Variants in DIP2B observed in about 807,000 individuals in gnomAD.
DIP2B encodes the protein disco-interacting protein 2 homolog B.
A neutral mutation model predicts 198.0 loss-of-function variants in DIP2B; 76 were observed. The observed-to-expected ratio is 0.38, with a 90% CI of 0.32 to 0.46. DIP2B has a LOEUF of 0.46. Among genes scored for constraint, DIP2B ranks in the 20% least tolerant of loss-of-function variants. The probability of loss-of-function intolerance (pLI) is 0.99; values close to 1 mark genes in which losing one functional copy is unlikely to be tolerated. For synonymous variants in DIP2B, 701 were observed against 739.1 expected (o/e 0.95, Z 0.84); for missense variants, 1,559 against 1,978.4 (o/e 0.79, Z 4.02).
chr12:50,735,760 G>C (rs1375860050), intron 34 of DIP2B, among the ~76,000 whole-genome samples: 1 of 152,122 alleles, frequency 6.6e-6, no homozygotes, highest in Non-Finnish European at 1.5e-5. Flanking sequence ...CACTATGCCC[G>C]GCCCGGTTCT....
At chr12:50,631,657 T>C (rs2139477048) in intron 2 of DIP2B, among the ~76,000 whole-genome samples, 1 of 152,338 alleles carries the variant, frequency 6.6e-6, no homozygotes, top group South Asian at 2.1e-4. Flanking sequence ...GGTCTCGAAC[T>C]CTTGGCCTCA....
intron 4 of DIP2B, 94 bp downstream of exon 4, chr12:50,660,413 T>A: frequency 7.5e-7 from 1 of 1,337,614 alleles, no homozygotes; most frequent in Non-Finnish European, 9.8e-7. Context: ...AGAACCAGAA[T>A]CTTCTCCCCG....
intron 22 of DIP2B, among the ~76,000 whole-genome samples, chr12:50,714,039 C>CTTG (rs1320652622): frequency 3.3e-5 from 5 of 152,232 alleles, no homozygotes; most frequent in Non-Finnish European, 7.3e-5. Context: ...GAATTTGGGG[C>CTTG]TGTCATGGCT....
At chr12:50,545,640 C>T (rs150315785) in intron 1 of DIP2B, among the ~76,000 whole-genome samples, 27 of 151,526 alleles carry the variant, frequency 1.8e-4, no homozygotes, top group Middle Eastern at 6.8e-3. Context: ...GGCATGGTTA[C>T]TCACACCTGT....
intron 1 of DIP2B, among the ~76,000 whole-genome samples, chr12:50,517,103 T>C (rs781094435): frequency 6.6e-6 from 1 of 151,990 alleles, no homozygotes; most frequent in African/African-American, 2.4e-5. Context: ...ATTTTTTTAG[T>C]AGAGATGGGG....
At chr12:50,521,385 A>G (rs761400260) in intron 1 of DIP2B, among the ~76,000 whole-genome samples, 1 of 151,658 alleles carries the variant, frequency 6.6e-6, no homozygotes, top group Non-Finnish European at 1.5e-5. Context: ...GATTATAGGC[A>G]TGAGCCACTG....
At chr12:50,730,263 C>G (rs1368997370) in intron 30 of DIP2B, among the ~76,000 whole-genome samples, 1 of 152,104 alleles carries the variant, frequency 6.6e-6, no homozygotes, top group East Asian at 1.9e-4. Context: ...TTGGCCTTAG[C>G]CCTTCTGGCC....
At chr12:50,562,020 C>T (rs1326493696) in intron 1 of DIP2B, among the ~76,000 whole-genome samples, 2 of 152,158 alleles carry the variant, frequency 1.3e-5, no homozygotes, top group African/African-American at 4.8e-5. Flanking sequence ...TATTGACAGG[C>T]TTATAAGTGG....
intron 1 of DIP2B, among the ~76,000 whole-genome samples, chr12:50,570,327 A>T (rs1311857744): frequency 6.6e-6 from 1 of 152,226 alleles, no homozygotes; most frequent in African/African-American, 2.4e-5. Flanking sequence ...TTCTAGCGAT[A>T]TTAATTGGAT....
At chr12:50,732,990 C>T (rs1435501157) in intron 32 of DIP2B, among the ~76,000 whole-genome samples, 3 of 152,068 alleles carry the variant, frequency 2.0e-5, no homozygotes, top group Non-Finnish European at 4.4e-5. Context: ...ACTGCAACCT[C>T]CACCTCCTGG....
At chr12:50,688,931 G>C (rs1243834154) in intron 12 of DIP2B, among the ~76,000 whole-genome samples, 1 of 152,158 alleles carries the variant, frequency 6.6e-6, no homozygotes, top group Non-Finnish European at 1.5e-5. Context: ...CTAGGTGCCT[G>C]TTATTTTGAA....
At chr12:50,674,662 T>C in intron 6 of DIP2B, 33 bp downstream of exon 6, 3 of 1,610,272 alleles carry the variant, frequency 1.9e-6, no homozygotes, top group Non-Finnish European at 2.5e-6. Flanking sequence ...TCAATTGTAG[T>C]GTAAACTAAA....
At chr12:50,519,319 T>G (rs1186815804) in intron 1 of DIP2B, among the ~76,000 whole-genome samples, 2 of 152,154 alleles carry the variant, frequency 1.3e-5, no homozygotes, top group African/African-American at 4.8e-5. Context: ...CAGGTTCGCC[T>G]TAAACTCCTG....
intron 1 of DIP2B, among the ~76,000 whole-genome samples, chr12:50,547,641 C>T (rs1380664715): frequency 2.0e-5 from 3 of 151,974 alleles, no homozygotes; most frequent in Non-Finnish European, 4.4e-5. Context: ...TTGCTGTGAA[C>T]CTAAAACTGC....
rs1939246826 is a variant in DIP2B, at chr12:50,692,974, C to G, written c.1680C>G (p.Asp560Glu). Reference protein sequence around the residue: ...SEGETIVNVLDFKKDAGLWHG... With the variant: ...SEGETIVNVLEFKKDAGLWHG... ...GGGAAACAATAGTAAATGTCTTAGA[C>G]TTTAAGAAGGATGCTGGGCTGTGGC... The change falls in exon 14 of 38, where the codon GAC becomes GAG. Residue 560 changes from aspartate (D) to glutamate (E), a missense_variant. Physicochemically the swap from Asp to Glu is conservative, Grantham distance 45 (BLOSUM62 2). Coordinates refer to ENST00000301180, the MANE Select transcript of DIP2B (RefSeq NM_173602.3). 1 of 1,610,540 alleles carries G rather than the reference C, an allele frequency of 6.2e-7. No homozygotes were observed. The highest frequency in any genetic ancestry group is 8.5e-7 in the Non-Finnish European group (1 of 1,179,204).
intron 8 of DIP2B, chr12:50,679,311 A>C (rs1250830338): frequency 5.8e-6 from 1 of 172,506 alleles, no homozygotes; most frequent in Admixed American, 5.5e-5. Flanking sequence ...AATTTTGCAT[A>C]CTAGCTAAAA....
At chr12:50,514,585 C>A (rs915004802) in intron 1 of DIP2B, among the ~76,000 whole-genome samples, 3 of 152,156 alleles carry the variant, frequency 2.0e-5, no homozygotes, top group African/African-American at 7.2e-5. Flanking sequence ...ATTGATTGAT[C>A]TGTTCATTTA....
chr12:50,613,206 A>G (rs1018528566), intron 1 of DIP2B, among the ~76,000 whole-genome samples: 4 of 152,182 alleles, frequency 2.6e-5, no homozygotes, highest in Non-Finnish European at 4.4e-5. Context: ...AGGCCAGTTA[A>G]TTTCCCTGTG....
At chr12:50,612,650 A>G (rs1270591250) in intron 1 of DIP2B, among the ~76,000 whole-genome samples, 2 of 152,034 alleles carry the variant, frequency 1.3e-5, no homozygotes, top group East Asian at 3.9e-4. Context: ...GGTTGTCTTG[A>G]ACTCTTGGCC....
Sources: allele counts gnomAD v4.1 joint callset (sites outside exome capture counted in the v4.1 genomes callset), GRCh38; gene constraint gnomAD v4.1.1; transcripts MANE v1.5; gene names NCBI Gene and HGNC (gene_info 2026-07-23, HGNC 2026-07-21).